SPOCK1: variants seen among roughly 807,000 people sequenced by gnomAD.
SPOCK1 encodes the protein SPARC (osteonectin), cwcv and kazal like domains proteoglycan 1.
SPOCK1 carries 23 observed loss-of-function variants against 55.3 expected under a neutral mutation model. The ratio of observed to expected loss-of-function variants is 0.42; its 90% CI spans 0.30 to 0.59. The LOEUF is 0.59. Among genes scored for constraint, SPOCK1 ranks in the 20% least tolerant of loss-of-function variants. The probability of loss-of-function intolerance (pLI) is 0.22; values close to 1 mark genes in which losing one functional copy is unlikely to be tolerated. For missense variants in SPOCK1, 499 were observed against 552.5 expected (o/e 0.90, Z 0.97); for synonymous variants, 226 against 221.0 (o/e 1.02, Z -0.20).
At chr5:137,460,385 CA>C (rs1344880790) in intron 2 of SPOCK1, among the ~76,000 whole-genome samples, 1 of 152,132 alleles carries the variant, frequency 6.6e-6, no homozygotes, top group African/African-American at 2.4e-5. Flanking sequence ...GAGACTCTTC[CA>C]GGTCAAGGTA....
At chr5:137,122,255 A>ACGCG (rs1554098651) in intron 4 of SPOCK1, among the ~76,000 whole-genome samples, 1 of 109,670 alleles carries the variant, frequency 9.1e-6, no homozygotes, top group African/African-American at 4.3e-5. Context: ...ACACACACAC[A>ACGCG]CGCACACACA....
At chr5:137,266,976 C>T (rs370423279) in intron 3 of SPOCK1, 34 bp downstream of exon 3, 52 of 1,592,424 alleles carry the variant, frequency 3.3e-5, no homozygotes, top group Non-Finnish European at 4.5e-5. Flanking sequence ...ACATTTACCA[C>T]AGACTATACA....
chr5:137,354,479 G>A (rs1026117667), intron 2 of SPOCK1, among the ~76,000 whole-genome samples: 5 of 151,952 alleles, frequency 3.3e-5, no homozygotes, highest in African/African-American at 7.3e-5. Context: ...CCTGTCCTGC[G>A]TCACCTGCAT....
At chr5:137,235,921 A>G (rs1053959596) in intron 3 of SPOCK1, among the ~76,000 whole-genome samples, 1 of 152,206 alleles carries the variant, frequency 6.6e-6, no homozygotes, top group Non-Finnish European at 1.5e-5. Flanking sequence ...CTCTCCTTTG[A>G]TGGAGGCCCC....
At chr5:137,362,484 C>T (rs532806332) in intron 2 of SPOCK1, among the ~76,000 whole-genome samples, 1 of 152,154 alleles carries the variant, frequency 6.6e-6, no homozygotes, top group African/African-American at 2.4e-5. Context: ...CGCCCGCCAC[C>T]ACGCCCGGCT....
At chr5:137,460,556 A>G (rs1265575166) in intron 2 of SPOCK1, among the ~76,000 whole-genome samples, 1 of 152,164 alleles carries the variant, frequency 6.6e-6, no homozygotes, top group East Asian at 1.9e-4. Flanking sequence ...AGGCTCCAGG[A>G]TGAATATTGG....
At chr5:137,043,656 C>T (rs1047056463) in intron 6 of SPOCK1, among the ~76,000 whole-genome samples, 3 of 152,040 alleles carry the variant, frequency 2.0e-5, no homozygotes, top group African/African-American at 7.2e-5. Flanking sequence ...GGTTCTTCCC[C>T]AAAACTCATA....
At chr5:137,393,530 C>T (rs1283210330) in intron 2 of SPOCK1, among the ~76,000 whole-genome samples, 2 of 152,030 alleles carry the variant, frequency 1.3e-5, no homozygotes, top group African/African-American at 2.4e-5. Context: ...AGTGGCTGGT[C>T]GATTTGCAAC....
chr5:136,985,119 G>A (rs1750813420), intron 9 of SPOCK1, 21 bp downstream of exon 9: 1 of 1,612,188 alleles, frequency 6.2e-7, no homozygotes, highest in Non-Finnish European at 8.5e-7. Flanking sequence ...GTTTAAATGA[G>A]TGGCAAGAAA....
chr5:137,243,567 T>C (rs1212781723), intron 3 of SPOCK1, among the ~76,000 whole-genome samples: 1 of 152,200 alleles, frequency 6.6e-6, no homozygotes, highest in Non-Finnish European at 1.5e-5. Flanking sequence ...AAAAACCTCC[T>C]ACCTCTCTGT....
chr5:137,207,173 C>A (rs565070520), intron 3 of SPOCK1, among the ~76,000 whole-genome samples: 19 of 152,206 alleles, frequency 1.2e-4, no homozygotes, highest in Non-Finnish European at 2.6e-4. Flanking sequence ...GAACCCCGAG[C>A]AGCCTGTCTG....
At chr5:137,225,984 C>G (rs1580816393) in intron 3 of SPOCK1, among the ~76,000 whole-genome samples, 1 of 152,204 alleles carries the variant, frequency 6.6e-6, no homozygotes, top group Admixed American at 6.5e-5. Flanking sequence ...CACGCCTCAC[C>G]AGGCTCCTGG....
chr5:136,977,842 A>C lies in SPOCK1; in HGVS notation c.*812T>G, dbSNP rs140379031. 3.3e-4 allele frequency: 130 copies of C among 398,886 alleles called. No individual in the cohort carries two copies. Among genetic ancestry groups the C allele is most frequent in the African/African-American group, 2.5e-3 (122 of 48,742 alleles). The allele number at this position is 398,886 out of a possible 1,614,324, so 24.7% of individuals were successfully genotyped here. A position where few individuals can be genotyped will look rare whatever the true frequency, so the allele number is the denominator to read the frequency against. Reference sequence around the variant, plus strand: ...GAGCCAACTGTTAGTGCAAAAAAGGACTTTAATACAAATTTCTTATTCCAG... The same window carrying C: ...GAGCCAACTGTTAGTGCAAAAAAGGCCTTTAATACAAATTTCTTATTCCAG... On this transcript the variant is annotated 3_prime_UTR_variant, in exon 11 of 11. Coordinates refer to ENST00000394945, the MANE Select transcript of SPOCK1 (RefSeq NM_004598.4).
intron 6 of SPOCK1, among the ~76,000 whole-genome samples, chr5:137,015,114 T>A (rs142167557): frequency 1.3e-5 from 2 of 152,162 alleles, no homozygotes; most frequent in African/African-American, 2.4e-5. Flanking sequence ...GTTATCACAG[T>A]AGTCTTGGGA....
Position 137,186,790 on chromosome 5 carries a change from G to C in SPOCK1, c.233-46096C>G, listed in dbSNP as rs2127067620. Among the ~76,000 whole-genome samples, 4 of 152,246 alleles carry C rather than the reference G, an allele frequency of 2.6e-5. No homozygotes were observed. The Middle Eastern group carries it at 0.014, about 518-fold the overall frequency. On this transcript the variant is annotated intron_variant, in intron 3 of 10. Coordinates refer to ENST00000394945, the MANE Select transcript of SPOCK1 (RefSeq NM_004598.4). ...GGTCTCCATCCAGTGTATAGCTACT[G>C]TCTTCACTGCCTCGCTTCCTCCCCT...
intron 2 of SPOCK1, among the ~76,000 whole-genome samples, chr5:137,388,708 T>C (rs1751648054): frequency 1.3e-5 from 2 of 152,184 alleles, no homozygotes; most frequent in South Asian, 4.1e-4. Flanking sequence ...CATTCACACA[T>C]CACACCGAAC....
At chr5:137,314,755 G>T (rs942690582) in intron 2 of SPOCK1, among the ~76,000 whole-genome samples, 7 of 152,058 alleles carry the variant, frequency 4.6e-5, no homozygotes, top group African/African-American at 1.7e-4. Flanking sequence ...AGAGTGCATG[G>T]ACCACGTTTT....
intron 3 of SPOCK1, among the ~76,000 whole-genome samples, chr5:137,206,093 T>C (rs1428377699): frequency 6.6e-6 from 1 of 152,208 alleles, no homozygotes; most frequent in East Asian, 1.9e-4. Flanking sequence ...AGATTCAATA[T>C]GTATCATTCT....
chr5:137,432,445 T>C (rs1382297703), intron 2 of SPOCK1, among the ~76,000 whole-genome samples: 2 of 152,122 alleles, frequency 1.3e-5, no homozygotes, highest in Non-Finnish European at 1.5e-5. Context: ...AATTCTGACA[T>C]ATGACACACC....
Sources: allele counts gnomAD v4.1 joint callset (sites outside exome capture counted in the v4.1 genomes callset), GRCh38; gene constraint gnomAD v4.1.1; transcripts MANE v1.5; gene names NCBI Gene and HGNC (gene_info 2026-07-23, HGNC 2026-07-21).